The following SLC9A9 variants were observed in gnomAD, a reference collection of about 807,000 sequenced individuals.
The protein encoded by SLC9A9 is sodium/hydrogen exchanger 9.
SLC9A9 carries 62 observed loss-of-function variants against 77.8 expected under a neutral mutation model. That is an observed-to-expected ratio of 0.80 (90% confidence interval 0.65 to 0.98). The LOEUF is 0.98. SLC9A9 is among the 50% of genes least tolerant of loss of function. SLC9A9 has a pLI of 0.00. For synonymous variants in SLC9A9, 320 were observed against 283.5 expected (o/e 1.13, Z -1.29); for missense variants, 775 against 774.9 (o/e 1.00, Z 0.00).
intron 5 of SLC9A9, among the ~76,000 whole-genome samples, chr3:143,660,099 G>T (rs532411386): frequency 6.6e-6 from 1 of 152,268 alleles, no homozygotes; most frequent in South Asian, 2.1e-4. Context: ...AACATTAGCT[G>T]GTCTTGGTTA....
intron 4 of SLC9A9, chr3:143,697,942 A>G (rs1933688873): frequency 6.6e-6 from 1 of 152,208 alleles, no homozygotes; most frequent in African/African-American, 2.4e-5. Context: ...CTATGCACCT[A>G]CAATGTGCCA....
chr3:143,489,428 A>G (rs2035703991), intron 11 of SLC9A9, among the ~76,000 whole-genome samples: 1 of 151,986 alleles, frequency 6.6e-6, no homozygotes, highest in Non-Finnish European at 1.5e-5. Context: ...AATAACCAAA[A>G]CAATCTTGAA....
At chr3:143,714,332 A>T (rs1934276203) in intron 4 of SLC9A9, among the ~76,000 whole-genome samples, 1 of 152,158 alleles carries the variant, frequency 6.6e-6, no homozygotes, top group East Asian at 1.9e-4. Context: ...TCTTTTCTTC[A>T]TGAAGGCACC....
At chr3:143,823,785 A>G (rs2009230690) in intron 2 of SLC9A9, among the ~76,000 whole-genome samples, 1 of 151,946 alleles carries the variant, frequency 6.6e-6, no homozygotes, top group African/African-American at 2.4e-5. Flanking sequence ...TTAATAAAAT[A>G]TAAGATATTA....
chr3:143,406,691 T>G (rs1489169455), intron 12 of SLC9A9, among the ~76,000 whole-genome samples: 1 of 152,126 alleles, frequency 6.6e-6, no homozygotes, highest in African/African-American at 2.4e-5. Flanking sequence ...AAAGACCAAA[T>G]TAGGCCGGGC....
chr3:143,378,765 A>C lies in SLC9A9; in HGVS notation c.1524+3295T>G, dbSNP rs143032740. Reference sequence around the variant, plus strand: ...TAAGAGGCATAAAATTCACAACTGCAGTATCTTCCAGTTCTCAAATTAGCA... The same window carrying C: ...TAAGAGGCATAAAATTCACAACTGCCGTATCTTCCAGTTCTCAAATTAGCA... On this transcript the variant is annotated intron_variant, in intron 13 of 15. Transcript: ENST00000316549. Among the ~76,000 whole-genome samples, 9 of 152,348 alleles carry C rather than the reference A, an allele frequency of 5.9e-5. No homozygotes were observed. The East Asian group carries it at 1.7e-3, about 29-fold the overall frequency.
At chr3:143,725,325 T>G (rs1048969809) in intron 4 of SLC9A9, among the ~76,000 whole-genome samples, 2 of 152,052 alleles carry the variant, frequency 1.3e-5, no homozygotes, top group Non-Finnish European at 2.9e-5. Flanking sequence ...GAAGTCAGTG[T>G]GGCGATTCCT....
At position 143,406,900 on chromosome 3, in the gene SLC9A9, T is replaced by TGGGAGGCAGAGGTTGCA. The variant is rs1469218387; in HGVS notation, c.1470-24803_1470-24787dup. Among the ~76,000 whole-genome samples, 22 of 144,562 alleles carry TGGGAGGCAGAGGTTGCA rather than the reference T, an allele frequency of 1.5e-4. No individual in the cohort carries two copies. In the Admixed American group the frequency reaches 1.6e-3, roughly 11 times the overall value. The allele number at this position is 144,562 out of a possible 152,430, so 94.8% of individuals were successfully genotyped here. A position where few individuals can be genotyped will look rare whatever the true frequency, so the allele number is the denominator to read the frequency against. On this transcript the variant is annotated intron_variant, in intron 12 of 15. Transcript: ENST00000316549. ...CTGAGGCAGGAGAATTGCTTGAACC[T>TGGGAGGCAGAGGTTGCA]GGGAGGCAGAGGTTGCAGCGAGCCA... is the stretch of plus-strand genomic sequence containing the variant.
chr3:143,513,669 G>A (rs58515515), intron 9 of SLC9A9, among the ~76,000 whole-genome samples: 3,089 of 152,224 alleles, frequency 0.02, 101 homozygotes, highest in African/African-American at 0.069. Context: ...CTATAGCCTT[G>A]CAAAATGTAT....
intron 13 of SLC9A9, 81 bp downstream of exon 13, chr3:143,381,979 A>T: frequency 4.6e-6 from 7 of 1,522,420 alleles, no homozygotes; most frequent in Non-Finnish European, 6.4e-6. Context: ...CTCCTTGGTC[A>T]CATGCTGGAC....
intron 12 of SLC9A9, among the ~76,000 whole-genome samples, chr3:143,403,303 C>T (rs1290766313): frequency 6.6e-6 from 1 of 152,166 alleles, no homozygotes; most frequent in Non-Finnish European, 1.5e-5. Flanking sequence ...CCTCACTCCT[C>T]ATTTGTGCTA....
At chr3:143,502,312 T>C (rs1393600772) in intron 9 of SLC9A9, among the ~76,000 whole-genome samples, 1 of 143,194 alleles carries the variant, frequency 7.0e-6, no homozygotes, top group East Asian at 1.9e-4. Context: ...TGGGGAAGTA[T>C]TTAAACTGCG....
chr3:143,536,110 A>G (rs576686894), intron 9 of SLC9A9, among the ~76,000 whole-genome samples: 1 of 152,222 alleles, frequency 6.6e-6, no homozygotes, highest in African/African-American at 2.4e-5. Context: ...ATACCTAGTA[A>G]CTTTCCAGAT....
Position 143,609,129 on chromosome 3 carries a change from G to A in SLC9A9, c.756-30406C>T, listed in dbSNP as rs73148703. On this transcript the variant is annotated intron_variant, in intron 6 of 15. Coordinates refer to ENST00000316549, the MANE Select transcript of SLC9A9 (RefSeq NM_173653.4). ...TCTATTCTCCATCAGACTGTGCTAT[G>A]TATAGATCCACTGCAACCCTAGCAA... is the stretch of plus-strand genomic sequence containing the variant. Among the ~76,000 whole-genome samples the A allele has an allele frequency of 9.1e-3, 1,389 of 152,246 alleles. 10 individuals are homozygous for A. Among genetic ancestry groups the A allele is most frequent in the Non-Finnish European group, 0.015 (1,039 of 68,012 alleles).
chr3:143,517,624 G>A (rs1364857915), intron 9 of SLC9A9: 2 of 1,597,414 alleles, frequency 1.3e-6, no homozygotes, highest in Middle Eastern at 2.3e-4. Context: ...CAAGATCATG[G>A]GCTGCTTCTT....
At chr3:143,786,716 G>C (rs948592110) in intron 4 of SLC9A9, among the ~76,000 whole-genome samples, 1 of 152,148 alleles carries the variant, frequency 6.6e-6, no homozygotes. Flanking sequence ...GGCTGTGTCA[G>C]GGCAGCAGTG....
At chr3:143,312,446 G>C (rs1053496650) in intron 14 of SLC9A9, among the ~76,000 whole-genome samples, 2 of 152,358 alleles carry the variant, frequency 1.3e-5, no homozygotes, top group African/African-American at 4.8e-5. Context: ...GAGAGAAGGA[G>C]GTGAGCTGCT....
chr3:143,691,653 C>G (rs1933471076), intron 5 of SLC9A9, among the ~76,000 whole-genome samples: 1 of 152,086 alleles, frequency 6.6e-6, no homozygotes, highest in Non-Finnish European at 1.5e-5. Flanking sequence ...GCTTTAGGTT[C>G]AATTGAGTCC....
intron 4 of SLC9A9, among the ~76,000 whole-genome samples, chr3:143,703,244 A>G (rs946154424): frequency 1.3e-5 from 2 of 152,140 alleles, no homozygotes; most frequent in Non-Finnish European, 2.9e-5. Flanking sequence ...AGAACATTTC[A>G]TCCAATGGCT....
Sources: gnomAD v4.1 joint callset for allele counts (sites outside exome capture counted in the v4.1 genomes callset) on GRCh38, gnomAD v4.1.1 for gene constraint, MANE v1.5 for transcripts, NCBI Gene and HGNC (gene_info 2026-07-23, HGNC 2026-07-21) for gene names.